SLCO1B3: variants seen among roughly 807,000 people sequenced by gnomAD.
SLCO1B3 encodes the protein solute carrier organic anion transporter family member 1B3.
A neutral mutation model predicts 71.8 loss-of-function variants in SLCO1B3; 72 were observed. The ratio of observed to expected loss-of-function variants is 1.00; its 90% CI spans 0.83 to 1.22. The LOEUF is 1.22. Among genes scored for constraint, SLCO1B3 ranks in the 50% most tolerant of loss-of-function variants. The pLI is 0.00. For synonymous variants in SLCO1B3, 298 were observed against 278.4 expected (o/e 1.07, Z -0.70); for missense variants, 911 against 819.7 (o/e 1.11, Z -1.36).
At chr12:20,879,358 C>G in intron 10 of SLCO1B3, 78 bp from the exon 11 acceptor site, 1 of 1,066,838 alleles carries the variant, frequency 9.4e-7, no homozygotes, top group South Asian at 1.5e-5. Context: ...TTGATATACA[C>G]TGTGTTTTAT....
rs536549566 is a variant in SLCO1B3 at position 20,909,398 on chromosome 12, C to G, written c.1866-6606C>G. Among the ~76,000 whole-genome samples the G allele has an allele frequency of 2.1e-3, 316 of 149,546 alleles. 1 individual carries two copies. Among genetic ancestry groups the G allele is most frequent in the Non-Finnish European group, 2.6e-3 (176 of 67,496 alleles). On this transcript the variant is annotated intron_variant, in intron 15 of 15. Coordinates refer to ENST00000381545, the MANE Select transcript of SLCO1B3 (RefSeq NM_019844.4). ...CCATGTTAGCCAGGATGGTCTTGAT[C>G]TCCTGACCTTGTGATCCGCCCGCCT...
At chr12:20,823,185 G>A (rs1370065482) in intron 3 of SLCO1B3, among the ~76,000 whole-genome samples, 1 of 152,090 alleles carries the variant, frequency 6.6e-6, no homozygotes, top group African/African-American at 2.4e-5. Context: ...ATATGAAAAT[G>A]TTTCGTGTGT....
intron 3 of SLCO1B3, among the ~76,000 whole-genome samples, chr12:20,841,601 G>T (rs1032542324): frequency 6.6e-6 from 1 of 152,004 alleles, no homozygotes; most frequent in African/African-American, 2.4e-5. Context: ...AGGTTCAGGG[G>T]GTACATATGC....
At position 20,817,135 on chromosome 12, in the gene SLCO1B3, C is replaced by G. The variant is rs142418481; in HGVS notation, c.84+1313C>G. On this transcript the variant is annotated intron_variant, in intron 3 of 15. Transcript: ENST00000381545. ...CAGATGGGTAGTTTACAAATATTTTCTCCTACTCTGTGGGTTGTCTCTTCA... is the reference window on the plus strand; with the variant it reads ...CAGATGGGTAGTTTACAAATATTTTGTCCTACTCTGTGGGTTGTCTCTTCA... Among the ~76,000 whole-genome samples the G allele has an allele frequency of 3.9e-4, 60 of 152,268 alleles. No individual in the cohort carries two copies. In the East Asian group the frequency reaches 7.1e-3, roughly 18 times the overall value.
At chr12:20,859,808 A>G (rs1865217392) in intron 5 of SLCO1B3, among the ~76,000 whole-genome samples, 1 of 152,086 alleles carries the variant, frequency 6.6e-6, no homozygotes, top group Admixed American at 6.6e-5. Flanking sequence ...ATATCTTTGC[A>G]TCTGTTATTT....
rs369546888 is a variant in SLCO1B3 at position 20,891,039 on chromosome 12, G to A, written c.1683-7397G>A. Among the ~76,000 whole-genome samples, 122 of 152,070 alleles carry A rather than the reference G, an allele frequency of 8.0e-4. 2 individuals carry two copies. In the South Asian group the frequency reaches 0.025, roughly 31 times the overall value. ...TATAAGGTCAGTATTGATTTTTGAG[G>A]GGTTGTTTCTATAATATTGTTAATT... On this transcript the variant is annotated intron_variant, in intron 13 of 15. Transcript: ENST00000381545.
chr12:20,876,798 C>T (rs1865588561), intron 9 of SLCO1B3, among the ~76,000 whole-genome samples: 1 of 151,974 alleles, frequency 6.6e-6, no homozygotes, highest in South Asian at 2.1e-4. Flanking sequence ...TTTGTCTATG[C>T]TATGTTTCTA....
intron 3 of SLCO1B3, among the ~76,000 whole-genome samples, chr12:20,840,726 T>C (rs1223488535): frequency 1.3e-5 from 2 of 152,124 alleles, no homozygotes; most frequent in Non-Finnish European, 2.9e-5. Flanking sequence ...AATTGAATAT[T>C]TCTCTCTGTA....
intron 13 of SLCO1B3, among the ~76,000 whole-genome samples, chr12:20,886,766 T>C (rs1449967377): frequency 1.3e-5 from 2 of 151,986 alleles, no homozygotes; most frequent in Non-Finnish European, 2.9e-5. Context: ...TTGTGAAACA[T>C]GGATTATATT....
At chr12:20,851,396 T>C (rs1865023382) in intron 3 of SLCO1B3, among the ~76,000 whole-genome samples, 2 of 152,200 alleles carry the variant, frequency 1.3e-5, no homozygotes, top group Non-Finnish European at 2.9e-5. Flanking sequence ...GTAGTTTTGA[T>C]TTGCATTTCC....
chr12:20,890,182 G>C (rs1334395211), intron 13 of SLCO1B3, among the ~76,000 whole-genome samples: 2 of 151,642 alleles, frequency 1.3e-5, no homozygotes, highest in Non-Finnish European at 2.9e-5. Flanking sequence ...GCCTCCCAAA[G>C]TGCTAGGATT....
chr12:20,883,667 AT>A (rs1865739421), intron 13 of SLCO1B3, 65 bp downstream of exon 13: 2 of 1,014,968 alleles, frequency 2.0e-6, no homozygotes, highest in Non-Finnish European at 2.8e-6. Flanking sequence ...TGATAGGCAT[AT>A]TTTTCTGTAT....
At chr12:20,868,383 A>T (rs1194030838) in intron 8 of SLCO1B3, among the ~76,000 whole-genome samples, 1 of 151,970 alleles carries the variant, frequency 6.6e-6, no homozygotes, top group East Asian at 1.9e-4. Flanking sequence ...TGTACAATAC[A>T]GTATTATTAA....
chr12:20,834,811 C>T (rs1372042914), intron 3 of SLCO1B3, among the ~76,000 whole-genome samples: 1 of 152,086 alleles, frequency 6.6e-6, no homozygotes, highest in African/African-American at 2.4e-5. Context: ...AGTGGATCTA[C>T]CATTCTGGGA....
At chr12:20,840,821 C>T (rs1184379654) in intron 3 of SLCO1B3, among the ~76,000 whole-genome samples, 1 of 152,106 alleles carries the variant, frequency 6.6e-6, no homozygotes, top group Non-Finnish European at 1.5e-5. Flanking sequence ...GCTTATGAGG[C>T]TCCAATTAAT....
intron 3 of SLCO1B3, among the ~76,000 whole-genome samples, chr12:20,828,099 C>G (rs1455944886): frequency 1.3e-5 from 2 of 151,986 alleles, no homozygotes; most frequent in African/African-American, 4.8e-5. Context: ...AATTTAGTCT[C>G]TATCTTTTAA....
chr12:20,860,826 T>C (rs1865246977), intron 5 of SLCO1B3, among the ~76,000 whole-genome samples, 191 bp from the exon 6 acceptor site: 1 of 152,150 alleles, frequency 6.6e-6, no homozygotes, highest in African/African-American at 2.4e-5. Flanking sequence ...GTATCTTTCT[T>C]AGTGGACACT....
chr12:20,910,781 C>A (rs1389732086), intron 15 of SLCO1B3, among the ~76,000 whole-genome samples: 1 of 152,038 alleles, frequency 6.6e-6, no homozygotes, highest in African/African-American at 2.4e-5. Flanking sequence ...TATAGGAAAA[C>A]TTTTCACTTT....
chr12:20,899,546 G>A (rs557948165), intron 14 of SLCO1B3, among the ~76,000 whole-genome samples: 1 of 152,296 alleles, frequency 6.6e-6, no homozygotes, highest in Non-Finnish European at 1.5e-5. Context: ...AAATATAAAA[G>A]GAATAGGAGA....
Sources: gnomAD v4.1 joint callset for allele counts (sites outside exome capture counted in the v4.1 genomes callset) on GRCh38, gnomAD v4.1.1 for gene constraint, MANE v1.5 for transcripts, NCBI Gene and HGNC (gene_info 2026-07-23, HGNC 2026-07-21) for gene names.